UROC1: variants seen among roughly 807,000 people sequenced by gnomAD.
The protein encoded by UROC1 is urocanate hydratase.
Under a neutral mutation model 89.5 loss-of-function variants are expected in UROC1, and 79 were observed. That is an observed-to-expected ratio of 0.88 (90% CI 0.74 to 1.06). The LOEUF (loss-of-function observed/expected upper bound fraction) is 1.06, where lower values mean the gene tolerates loss of function less well. UROC1 is among the 50% of genes least tolerant of loss of function. The probability of loss-of-function intolerance (pLI) is 0.00; values close to 1 mark genes in which losing one functional copy is unlikely to be tolerated. For synonymous variants in UROC1, 361 were observed against 354.8 expected, an observed-to-expected ratio of 1.02 and a Z score of -0.20; for missense variants, 885 against 907.8, an observed-to-expected ratio of 0.97 and a Z score of 0.32.
chr3:126,503,987 A>G lies in UROC1; in HGVS notation c.902+8T>C. On this transcript the variant is annotated splice_region_variant and intron_variant, in intron 9 of 19. Coordinates refer to ENST00000290868, the MANE Select transcript of UROC1 (RefSeq NM_144639.3). Reference sequence around the variant, plus strand: ...GTCAGGTGTCCGGAGTTGAGCTTGGAGCTGTACCTGAGCCTCTGGATGCAG... The same window carrying G: ...GTCAGGTGTCCGGAGTTGAGCTTGGGGCTGTACCTGAGCCTCTGGATGCAG... The G allele has an allele frequency of 1.2e-6, 2 of 1,613,940 alleles. No homozygotes were observed. The highest frequency in any genetic ancestry group is 1.7e-6 in the Non-Finnish European group (2 of 1,180,008).
Position 126,481,915 on chromosome 3 carries a change from C to A in UROC1, c.*430G>T, listed in dbSNP as rs962697004. ...TCCCGAACTCCTCCAGGCCAGCAGCCCAGGGTGCCAGGGTCCAGAAGTTGC... is the reference window on the plus strand; with the variant it reads ...TCCCGAACTCCTCCAGGCCAGCAGCACAGGGTGCCAGGGTCCAGAAGTTGC... On this transcript the variant is annotated 3_prime_UTR_variant, in exon 20 of 20. Coordinates refer to ENST00000290868, the MANE Select transcript of UROC1 (RefSeq NM_144639.3). The A allele has an allele frequency of 1.2e-5, 3 of 249,254 alleles. No homozygotes were observed. The highest frequency in any genetic ancestry group is 1.0e-4 in the Admixed American group (2 of 19,902). 15.4% of individuals were successfully genotyped at this position (249,254 alleles called of 1,614,324 possible).
intron 2 of UROC1, 71 bp from the exon 3 acceptor site, chr3:126,509,749 G>T: frequency 7.2e-7 from 1 of 1,392,762 alleles, no homozygotes; most frequent in Non-Finnish European, 1.0e-6. Flanking sequence ...GCCCCGCCCA[G>T]CCCCTGGCCG....
intron 15 of UROC1, 111 bp from the exon 16 acceptor site, chr3:126,492,627 G>T: frequency 1.3e-6 from 1 of 759,348 alleles, no homozygotes; most frequent in Non-Finnish European, 2.1e-6. Flanking sequence ...GCCCTTGGCA[G>T]CCTGAGCGCC....
chr3:126,514,062 T>G (rs1386267613), intron 1 of UROC1, among the ~76,000 whole-genome samples: 2 of 152,228 alleles, frequency 1.3e-5, no homozygotes, highest in Admixed American at 1.3e-4. Context: ...GAACTTTGCC[T>G]AAGCTGCTAT....
chr3:126,496,139 A>AC, intron 14 of UROC1, 31 bp from the exon 15 acceptor site: 1 of 1,605,424 alleles, frequency 6.2e-7, no homozygotes, highest in Non-Finnish European at 8.5e-7. Flanking sequence ...GGCGTCAGAG[A>AC]CCCTCCAGGG....
intron 4 of UROC1, 132 bp downstream of exon 4, chr3:126,508,284 C>T: frequency 2.2e-6 from 3 of 1,377,802 alleles, no homozygotes; most frequent in Non-Finnish European, 3.1e-6. Context: ...ACACAATCTC[C>T]AATGCTGGAG....
intron 9 of UROC1, 63 bp downstream of exon 9, chr3:126,503,932 C>T: frequency 6.3e-7 from 1 of 1,598,330 alleles, no homozygotes; most frequent in South Asian, 1.1e-5. Context: ...TGGGGGTCCT[C>T]TTGTGGTCTC....
In UROC1 at chr3:126,500,858, C is replaced by T. The variant is rs781212470; in HGVS notation, c.982G>A (p.Glu328Lys). Residue 328 changes from glutamate to lysine, a missense_variant, in exon 11 of 20, where the codon GAA (glutamate) becomes AAA (lysine). Coordinates refer to ENST00000290868, the MANE Select transcript of UROC1 (RefSeq NM_144639.3). The part of the protein sequence containing the change: ...VVALWERLVH[E>K]LDTTGECLVD... Reference sequence around the variant, plus strand: ...AAGCACTCCCCCGTCGTGTCCAATTCGTGGACCAGGCGCTCCCTGGGGAAG... The same window carrying T: ...AAGCACTCCCCCGTCGTGTCCAATTTGTGGACCAGGCGCTCCCTGGGGAAG... 20 of 1,613,720 alleles carry T rather than the reference C, an allele frequency of 1.2e-5. No individual in the cohort carries two copies. The highest frequency in any genetic ancestry group is 9.9e-5 in the South Asian group (9 of 91,088).
chr3:126,517,068 C>T (rs935639858), intron 1 of UROC1, among the ~76,000 whole-genome samples: 1 of 152,148 alleles, frequency 6.6e-6, no homozygotes, highest in African/African-American at 2.4e-5. Flanking sequence ...CAGGGCACCA[C>T]TGGCAAGCGT....
chr3:126,509,569 T>C lies in UROC1; in HGVS notation c.351+16A>G. 6.4e-7 allele frequency: 1 copy of C among 1,550,596 alleles called. No homozygotes were observed. The highest frequency in any genetic ancestry group is 8.7e-7 in the Non-Finnish European group (1 of 1,145,992). ...TCTGCTGGACAGTGCTGGGCCTCGGTTTCCCTGGCTATTACCTGGGCCACG... is the reference window on the plus strand; with the variant it reads ...TCTGCTGGACAGTGCTGGGCCTCGGCTTCCCTGGCTATTACCTGGGCCACG... On this transcript the variant is annotated intron_variant, in intron 3 of 19. Transcript: ENST00000290868.
intron 1 of UROC1, among the ~76,000 whole-genome samples, 190 bp downstream of exon 1, chr3:126,517,404 A>C (rs1236041883): frequency 6.6e-6 from 1 of 152,060 alleles, no homozygotes; most frequent in South Asian, 2.1e-4. Context: ...GCGATCCTGC[A>C]CCCAAGGGCG....
intron 13 of UROC1, among the ~76,000 whole-genome samples, 159 bp from the exon 14 acceptor site, chr3:126,498,331 CCT>C (rs1360628399): frequency 6.6e-6 from 1 of 152,116 alleles, no homozygotes; most frequent in African/African-American, 2.4e-5. Flanking sequence ...CTCCCTGTCC[CCT>C]CTCTGTGTCC....
At chr3:126,496,154 A>G (rs771561629) in intron 14 of UROC1, 46 bp from the exon 15 acceptor site, 1 of 1,586,700 alleles carries the variant, frequency 6.3e-7, no homozygotes, top group East Asian at 2.3e-5. Flanking sequence ...CCAGGGGCAC[A>G]GACCTGCCCT....
At chr3:126,489,644 A>G (rs1935599989) in intron 16 of UROC1, among the ~76,000 whole-genome samples, 1 of 152,220 alleles carries the variant, frequency 6.6e-6, no homozygotes, top group Admixed American at 6.5e-5. Context: ...TGCCCACTTC[A>G]TAGATGAGAA....
At position 126,508,421 on chromosome 3, in the gene UROC1, C is replaced by G. The variant is rs1212852273; in HGVS notation, c.406G>C (p.Ala136Pro). 1 of 1,613,892 alleles carries G rather than the reference C, an allele frequency of 6.2e-7. No individual in the cohort carries two copies. The highest frequency in any genetic ancestry group is 1.1e-5 in the South Asian group (1 of 91,062). ...GGNGQVFSNW[A>P]QFWLTMFYLS... The stretch of plus-strand genomic sequence containing the variant: ...GGCCACACGGTGTGCAGTACCTGAG[C>G]CCAGTTGCTGAACACCTGCCCATTT... The change falls in exon 4 of 20, where the codon GCT (alanine) becomes CCT (proline). Residue 136 changes from alanine (A) to proline (P), a missense_variant. Physicochemically the swap from Ala to Pro is conservative, Grantham distance 27. Coordinates refer to ENST00000290868, the MANE Select transcript of UROC1 (RefSeq NM_144639.3).
At chr3:126,503,248 A>C (rs1935978796) in intron 9 of UROC1, among the ~76,000 whole-genome samples, 1 of 152,188 alleles carries the variant, frequency 6.6e-6, no homozygotes, top group African/African-American at 2.4e-5. Context: ...ATCGTTTCTC[A>C]AATTTTGTTT....
intron 15 of UROC1, among the ~76,000 whole-genome samples, chr3:126,493,432 C>G (rs1935701696): frequency 6.6e-6 from 1 of 152,162 alleles, no homozygotes; most frequent in African/African-American, 2.4e-5. Flanking sequence ...TGTGATTCAG[C>G]CTTAAAAGGA....
At chr3:126,514,544 C>T (rs746851753) in intron 1 of UROC1, among the ~76,000 whole-genome samples, 8 of 152,062 alleles carry the variant, frequency 5.3e-5, no homozygotes, top group Non-Finnish European at 8.8e-5. Context: ...AAGAATGACA[C>T]GCACGTTAGT....
chr3:126,482,195 G>A lies in UROC1; in HGVS notation c.*150C>T, dbSNP rs1218952981. ...GGGCTGTCTGTAAAATGAGGCTGTG[G>A]TGGCACCCTGCACAGGGCACCATAA... On this transcript the variant is annotated 3_prime_UTR_variant, in exon 20 of 20. Transcript: ENST00000290868. 8.7e-7 allele frequency: 1 copy of A among 1,146,876 alleles called. No individual in the cohort carries two copies. Among genetic ancestry groups the A allele is most frequent in the Non-Finnish European group, 1.2e-6 (1 of 803,194 alleles). The allele number at this position is 1,146,876 out of a possible 1,614,324, so 71.0% of individuals were successfully genotyped here.
Sources: gnomAD v4.1 joint callset for allele counts (sites outside exome capture counted in the v4.1 genomes callset) on GRCh38, gnomAD v4.1.1 for gene constraint, MANE v1.5 for transcripts, NCBI Gene and HGNC (gene_info 2026-07-23, HGNC 2026-07-21) for gene names.